PIGX: variants seen among roughly 807,000 people sequenced by gnomAD.
PIGX encodes phosphatidylinositol glycan anchor biosynthesis class X.
Under a neutral mutation model 28.7 loss-of-function variants are expected in PIGX, and 24 were observed. The ratio of observed to expected loss-of-function variants is 0.84; its 90% CI spans 0.60 to 1.17. PIGX has a LOEUF of 1.17. Among genes scored for constraint, PIGX ranks in the 50% most tolerant of loss-of-function variants. PIGX has a pLI of 0.00. For missense variants in PIGX, 305 were observed against 317.8 expected (o/e 0.96, Z 0.31); for synonymous variants, 127 against 121.0 (o/e 1.05, Z -0.33).
rs547370958 is a variant in PIGX, at chr3:196,728,069, G to A, written c.465G>A (p.Pro155=). 8.9e-5 allele frequency: 144 copies of A among 1,614,064 alleles called. 1 individual carries two copies. In the South Asian group the frequency reaches 9.4e-4, roughly 11 times the overall value. Residue 155 remains proline (P), a synonymous_variant, in exon 4 of 6, where the codon CCG becomes CCA. Coordinates refer to ENST00000392391, the MANE Select transcript of PIGX (RefSeq NM_017861.4). ...CTGTGCACTGCCGCTATCATCGGCC[G>A]CACAGTGAAGATGGAGAAGCCTCGA...
intron 4 of PIGX, 195 bp downstream of exon 4, chr3:196,728,331 A>G (rs1379361312): frequency 1.0e-5 from 6 of 591,574 alleles, no homozygotes; most frequent in African/African-American, 7.4e-5. Flanking sequence ...TTTAATTTAC[A>G]ATAAAAAAGT....
intron 3 of PIGX, among the ~76,000 whole-genome samples, chr3:196,724,026 T>G (rs558742030): frequency 1.2e-3 from 174 of 150,272 alleles, no homozygotes; most frequent in African/African-American, 3.3e-3. Context: ...TTTAATGTTT[T>G]TTTTTTTTTT....
At chr3:196,731,858 G>A (rs888456658) in intron 5 of PIGX, among the ~76,000 whole-genome samples, 13 of 151,768 alleles carry the variant, frequency 8.6e-5, no homozygotes, top group African/African-American at 1.7e-4. Flanking sequence ...ACAGAGTCTC[G>A]CTCTGTTGCC....
rs149149609 is a variant in PIGX, at chr3:196,712,901, C to G, written c.112+257C>G. On this transcript the variant is annotated intron_variant, in intron 1 of 5. Coordinates refer to ENST00000392391, the MANE Select transcript of PIGX (RefSeq NM_017861.4). ...GACTGGCCGCCCTGTTACTAAAGTT[C>G]TGAGAAGGAAAGTCAGCCGTCAAGC... 3,307 of 1,052,220 alleles carry G rather than the reference C, an allele frequency of 3.1e-3. 9 individuals carry two copies. Among genetic ancestry groups the G allele is most frequent in the Middle Eastern group, 3.5e-3 (8 of 2,304 alleles). 65.2% of individuals were successfully genotyped at this position (1,052,220 alleles called of 1,614,324 possible). A position where few individuals can be genotyped will look rare whatever the true frequency, so the allele number is the denominator to read the frequency against.
chr3:196,720,466 C>T (rs367579676), intron 2 of PIGX, among the ~76,000 whole-genome samples: 3 of 152,200 alleles, frequency 2.0e-5, no homozygotes, highest in South Asian at 2.1e-4. Context: ...ACTTTGGTTG[C>T]TCCTGCCTTT....
In PIGX at chr3:196,713,055, G is replaced by A. The variant is rs944240052; in HGVS notation, c.112+411G>A. 7.1e-6 allele frequency: 7 copies of A among 986,072 alleles called. No individual in the cohort carries two copies. In the East Asian group the frequency reaches 3.4e-4, roughly 48 times the overall value. The allele number at this position is 986,072 out of a possible 1,614,324, so 61.1% of individuals were successfully genotyped here. A position where few individuals can be genotyped will look rare whatever the true frequency, so the allele number is the denominator to read the frequency against. ...CTCCGTGGCAAACTGCTAGTTGTTCGTGCAAGTAGTAGTTGGCAAACTGCT... is the reference window on the plus strand; with the variant it reads ...CTCCGTGGCAAACTGCTAGTTGTTCATGCAAGTAGTAGTTGGCAAACTGCT... On this transcript the variant is annotated intron_variant, in intron 1 of 5. Coordinates refer to ENST00000392391, the MANE Select transcript of PIGX (RefSeq NM_017861.4).
At chr3:196,729,418 T>C (rs1712656961) in intron 4 of PIGX, among the ~76,000 whole-genome samples, 1 of 151,914 alleles carries the variant, frequency 6.6e-6, no homozygotes, top group Admixed American at 6.5e-5. Context: ...TCTTATTTTT[T>C]TTTTTTGAGG....
intron 1 of PIGX, chr3:196,712,940 C>G: frequency 9.9e-7 from 1 of 1,013,808 alleles, no homozygotes. Flanking sequence ...TTGGGATGCT[C>G]TTGAGCTGCA....
rs1560080649 is a variant in PIGX at position 196,732,245 on chromosome 3, TATATATATATATTTTATTTTATTTTA to T, written c.633+1154_633+1179del. On this transcript the variant is annotated intron_variant, in intron 5 of 5. Coordinates refer to ENST00000392391, the MANE Select transcript of PIGX (RefSeq NM_017861.4). Reference sequence around the variant, plus strand: ...ATATATATATATATATATATATATATATATATATATATTTTATTTTATTTTATTTTTTTTTTTATTTTATTTTTTTT... The same window carrying T: ...ATATATATATATATATATATATATATTTTTTTTTTTTATTTTATTTTTTTT... Among the ~76,000 whole-genome samples, 181 of 41,024 alleles carry T rather than the reference TATATATATATATTTTATTTTATTTTA, an allele frequency of 4.4e-3. 2 individuals carry two copies. Among genetic ancestry groups the T allele is most frequent in the African/African-American group, 0.01 (86 of 8,352 alleles). 26.9% of individuals were successfully genotyped at this position (41,024 alleles called of 152,430 possible). A position where few individuals can be genotyped will look rare whatever the true frequency, so the allele number is the denominator to read the frequency against.
In PIGX at chr3:196,712,422, C is replaced by T. The variant is rs1008068868; in HGVS notation, c.-111C>T. On this transcript the variant is annotated 5_prime_UTR_variant, in exon 1 of 6. Transcript: ENST00000392391. ...AGGCGCGCGCACCCAGCACTCGGTC[C>T]CAGCCGATAAATCTGGGGCAGCGCG... is the stretch of plus-strand genomic sequence containing the variant. 1.4e-5 allele frequency: 6 copies of T among 430,994 alleles called. No individual in the cohort carries two copies. The highest frequency in any genetic ancestry group is 1.3e-4 in the African/African-American group (6 of 47,508). 26.7% of individuals were successfully genotyped at this position (430,994 alleles called of 1,614,324 possible).
rs1484582735 is a variant in PIGX, at chr3:196,735,304, A to G, written c.*1402A>G. The G allele has an allele frequency of 5.5e-5, 8 of 144,582 alleles. No homozygotes were observed. Among genetic ancestry groups the G allele is most frequent in the Non-Finnish European group, 8.9e-5 (6 of 67,042 alleles). 9.0% of individuals were successfully genotyped at this position (144,582 alleles called of 1,614,324 possible). ...AGTGAGACTCTGTCTCAAAAAAAAA[A>G]AAAAAAAAAAAAAAAAAAAAGTAAA... is the stretch of plus-strand genomic sequence containing the variant. On this transcript the variant is annotated 3_prime_UTR_variant, in exon 6 of 6. Coordinates refer to ENST00000392391, the MANE Select transcript of PIGX (RefSeq NM_017861.4).
intron 4 of PIGX, among the ~76,000 whole-genome samples, chr3:196,730,747 C>CAAA (rs965830812): frequency 0.011 from 410 of 36,558 alleles, 1 homozygote; most frequent in Non-Finnish European, 0.016. Flanking sequence ...GACTCTGTCT[C>CAAA]AAAAAAAAAA....
intron 1 of PIGX, among the ~76,000 whole-genome samples, chr3:196,714,986 G>A (rs1275157584): frequency 6.6e-6 from 1 of 152,176 alleles, no homozygotes; most frequent in Non-Finnish European, 1.5e-5. Context: ...TGAGGCAGGA[G>A]AATTGCTTGA....
intron 1 of PIGX, among the ~76,000 whole-genome samples, chr3:196,715,900 C>A (rs1210742064): frequency 6.6e-6 from 1 of 152,144 alleles, no homozygotes; most frequent in Non-Finnish European, 1.5e-5. Flanking sequence ...ATGTTCTTCC[C>A]ACAGATTTAC....
intron 2 of PIGX, among the ~76,000 whole-genome samples, chr3:196,719,193 T>C (rs1225380401): frequency 1.3e-5 from 2 of 152,146 alleles, no homozygotes; most frequent in African/African-American, 4.8e-5. Context: ...ACCGTTTATT[T>C]TTAATGTAAA....
chr3:196,716,882 T>C lies in PIGX; in HGVS notation c.137T>C (p.Ile46Thr). The stretch of plus-strand genomic sequence containing the variant: ...GGCATAAGGGCCATGTGTTCTGAAA[T>C]TATTTTGAGGCAAGAAGTTTTGAAA... Residue 46 changes from isoleucine (I) to threonine (T), a missense_variant, in exon 2 of 6, where the codon ATT (isoleucine) becomes ACT (threonine). Physicochemically the swap from Ile to Thr is moderately conservative, Grantham distance 89 (BLOSUM62 -1). Transcript: ENST00000392391. 6.2e-7 allele frequency: 1 copy of C among 1,608,460 alleles called. No homozygotes were observed. Among genetic ancestry groups the C allele is most frequent in the Non-Finnish European group, 8.5e-7 (1 of 1,175,288 alleles).
intron 3 of PIGX, 24 bp downstream of exon 3, chr3:196,722,580 G>C: frequency 6.2e-7 from 1 of 1,600,348 alleles, no homozygotes; most frequent in South Asian, 1.1e-5. Context: ...GGGATTTTTT[G>C]GGAGAGAAAT....
At chr3:196,731,399 A>G (rs1323111897) in intron 5 of PIGX, among the ~76,000 whole-genome samples, 3 of 152,156 alleles carry the variant, frequency 2.0e-5, no homozygotes, top group African/African-American at 7.2e-5. Flanking sequence ...GCTGGTCTCA[A>G]ACTCCTGACT....
At chr3:196,720,513 A>C (rs911354621) in intron 2 of PIGX, among the ~76,000 whole-genome samples, 2 of 152,176 alleles carry the variant, frequency 1.3e-5, no homozygotes, top group African/African-American at 4.8e-5. Flanking sequence ...AACAGGATTT[A>C]CGGTTGTCTC....
Sources: gnomAD v4.1 joint callset for allele counts (sites outside exome capture counted in the v4.1 genomes callset) on GRCh38, gnomAD v4.1.1 for gene constraint, MANE v1.5 for transcripts, NCBI Gene and HGNC (gene_info 2026-07-23, HGNC 2026-07-21) for gene names.